The following BPIFC variants were observed in gnomAD, a reference collection of about 807,000 sequenced individuals.
BPIFC encodes the protein BPI fold-containing family C protein.
In BPIFC, 60 loss-of-function variants were observed where a neutral mutation model predicts 57.6. The ratio of observed to expected loss-of-function variants is 1.04; its 90% CI spans 0.85 to 1.29. The LOEUF (loss-of-function observed/expected upper bound fraction) is 1.29, where lower values mean the gene tolerates loss of function less well. Among genes scored for constraint, BPIFC ranks in the 50% most tolerant of loss-of-function variants. The probability of loss-of-function intolerance (pLI) is 0.00; values close to 1 mark genes in which losing one functional copy is unlikely to be tolerated. For missense variants in BPIFC, 581 were observed against 600.5 expected, an observed-to-expected ratio of 0.97 and a Z score of 0.34; for synonymous variants, 243 against 224.5, an observed-to-expected ratio of 1.08 and a Z score of -0.74.
chr22:32,461,747 A>T (rs1461575129), intron 1 of BPIFC, 86 bp from the exon 2 acceptor site: 1 of 541,194 alleles, frequency 1.8e-6, no homozygotes, highest in Non-Finnish European at 2.4e-6. Flanking sequence ...ACCAACTGGT[A>T]TAGGAGCATT....
chr22:32,419,805 A>C (rs1207799192), intron 13 of BPIFC, among the ~76,000 whole-genome samples: 3 of 13,796 alleles, frequency 2.2e-4, no homozygotes, highest in Admixed American at 1.4e-3. Flanking sequence ...GACCCTGTCA[A>C]AAAAAAAAAA....
intron 13 of BPIFC, among the ~76,000 whole-genome samples, chr22:32,429,509 GTTTTTTTTTTTTTT>G (rs780948561): frequency 1.8e-5 from 1 of 56,622 alleles, no homozygotes. Flanking sequence ...ACTGGCCTTT[GTTTTTTTTTTTTTT>G]TTTTTTTTTT....
intron 4 of BPIFC, among the ~76,000 whole-genome samples, chr22:32,450,026 G>A (rs922728452): frequency 2.6e-5 from 4 of 151,538 alleles, no homozygotes; most frequent in Admixed American, 6.6e-5. Flanking sequence ...GAGCCATCAC[G>A]CCCAGCCGTG....
At chr22:32,462,577 T>C (rs1935189693) in intron 1 of BPIFC, among the ~76,000 whole-genome samples, 1 of 152,194 alleles carries the variant, frequency 6.6e-6, no homozygotes, top group African/African-American at 2.4e-5. Flanking sequence ...AACTCACAGT[T>C]CTTTGAAGTG....
intron 8 of BPIFC, among the ~76,000 whole-genome samples, chr22:32,441,474 C>T (rs1188588807): frequency 6.6e-6 from 1 of 152,178 alleles, no homozygotes; most frequent in East Asian, 1.9e-4. Context: ...AGTGCTCAGG[C>T]TATTTCAGGT....
At chr22:32,427,526 T>G (rs1184452987) in intron 13 of BPIFC, among the ~76,000 whole-genome samples, 2 of 152,112 alleles carry the variant, frequency 1.3e-5, no homozygotes, top group African/African-American at 4.8e-5. Context: ...AGCCTTTCCT[T>G]TCCTCCTGGT....
chr22:32,425,793 T>G (rs1934052337), intron 13 of BPIFC, among the ~76,000 whole-genome samples: 1 of 152,096 alleles, frequency 6.6e-6, no homozygotes, highest in Non-Finnish European at 1.5e-5. Flanking sequence ...TTATTCCCGT[T>G]TTATGCTTTA....
intron 13 of BPIFC, among the ~76,000 whole-genome samples, chr22:32,428,370 G>A (rs978277212): frequency 6.6e-6 from 1 of 151,752 alleles, no homozygotes; most frequent in African/African-American, 2.4e-5. Context: ...TTGGGCTCAG[G>A]CAATCCATTC....
chr22:32,414,465 G>T, intron 16 of BPIFC, 40 bp from the exon 17 acceptor site: 1 of 1,607,140 alleles, frequency 6.2e-7, no homozygotes, highest in Non-Finnish European at 8.5e-7. Context: ...TCAAAACTTG[G>T]GCATGTCTGG....
intron 1 of BPIFC, among the ~76,000 whole-genome samples, chr22:32,462,441 T>C (rs5994572): frequency 0.31 from 47,754 of 151,872 alleles, 7,502 homozygotes; most frequent in East Asian, 0.44. Context: ...AAAACCAAAC[T>C]ATCATATATA....
chr22:32,455,489 C>A (rs552931404), intron 3 of BPIFC, among the ~76,000 whole-genome samples: 35 of 152,236 alleles, frequency 2.3e-4, no homozygotes, highest in African/African-American at 7.7e-4. Flanking sequence ...GCTAGGACTC[C>A]ACATACGTTC....
chr22:32,421,148 A>G (rs150234501), intron 13 of BPIFC, among the ~76,000 whole-genome samples: 5 of 152,314 alleles, frequency 3.3e-5, no homozygotes, highest in African/African-American at 1.2e-4. Flanking sequence ...TTGATATTTT[A>G]TGGGAATTTT....
chr22:32,424,741 CTCTTCTTCTTCCTCTTCTTCTTCT>C lies in BPIFC; in HGVS notation c.1218-5361_1218-5338del, dbSNP rs1934001301. Among the ~76,000 whole-genome samples the C allele has an allele frequency of 1.4e-4, 6 of 44,358 alleles. 1 individual carries two copies. The highest frequency in any genetic ancestry group is 5.5e-4 in the African/African-American group (4 of 7,312). The allele number at this position is 44,358 out of a possible 152,430, so 29.1% of individuals were successfully genotyped here. A position where few individuals can be genotyped will look rare whatever the true frequency, so the allele number is the denominator to read the frequency against. On this transcript the variant is annotated intron_variant, in intron 13 of 16. Coordinates refer to ENST00000300399, the MANE Select transcript of BPIFC (RefSeq NM_174932.3). The stretch of plus-strand genomic sequence containing the variant: ...CCTCTTCTTCTTCCTCTTCTTCTTC[CTCTTCTTCTTCCTCTTCTTCTTCT>C]TCTTCTTCTTCTTCTTCTTCTTCCT...
At chr22:32,431,439 A>ATTTATTTATTTTTTTTTTTTTATTTT in intron 12 of BPIFC, 25 bp from the exon 13 acceptor site, 1 of 1,343,078 alleles carries the variant, frequency 7.4e-7, no homozygotes, top group Non-Finnish European at 1.1e-6. Context: ...AGCATTTATT[A>ATTTATTTATTTTTTTTTTTTTATTTT]TTAAGACGAG....
In BPIFC at chr22:32,457,964, C is replaced by T. The variant is rs563879733; in HGVS notation, c.1-578G>A. Among the ~76,000 whole-genome samples the T allele has an allele frequency of 3.5e-4, 53 of 152,282 alleles. 3 individuals are homozygous for T. The South Asian group carries it at 0.01, about 30-fold the overall frequency. On this transcript the variant is annotated intron_variant, in intron 2 of 16. Transcript: ENST00000300399. ...TTCACATAGATTTTTGTGATAGCCTCCTTACTGGTCTCTCTGCTTCGGCCA... is the reference window on the plus strand; with the variant it reads ...TTCACATAGATTTTTGTGATAGCCTTCTTACTGGTCTCTCTGCTTCGGCCA...
At chr22:32,428,864 A>C (rs997311371) in intron 13 of BPIFC, among the ~76,000 whole-genome samples, 2 of 152,076 alleles carry the variant, frequency 1.3e-5, no homozygotes, top group Non-Finnish European at 2.9e-5. Flanking sequence ...GCACCCCTGC[A>C]CTCCAGCCTG....
intron 3 of BPIFC, among the ~76,000 whole-genome samples, chr22:32,453,720 T>C (rs1934961044): frequency 6.6e-6 from 1 of 152,178 alleles, no homozygotes; most frequent in South Asian, 2.1e-4. Flanking sequence ...AGAGCTAACA[T>C]GAGACATTTT....
intron 8 of BPIFC, among the ~76,000 whole-genome samples, chr22:32,440,276 A>G (rs1410655477): frequency 6.6e-6 from 1 of 151,864 alleles, no homozygotes; most frequent in Non-Finnish European, 1.5e-5. Flanking sequence ...CTGGGACTAA[A>G]GGCGCACGCC....
At position 32,432,502 on chromosome 22, in the gene BPIFC, C is replaced by G; in HGVS notation, c.1020G>C (p.Arg340Ser). The G allele has an allele frequency of 6.2e-7, 1 of 1,614,114 alleles. No individual in the cohort carries two copies. Among genetic ancestry groups the G allele is most frequent in the South Asian group, 1.1e-5 (1 of 91,074 alleles). The change falls in exon 12 of 17, where the codon AGG becomes AGC. Residue 340 changes from arginine to serine, a missense_variant. Transcript: ENST00000300399. ...IYILSQPFMV[R>S]IMATEPPIIN... ...TTATGGGAGGCTCTGTGGCCATGAT[C>G]CTCACCATGAAGGGCTGGGACAAGA...
Sources: allele counts gnomAD v4.1 joint callset (sites outside exome capture counted in the v4.1 genomes callset), GRCh38; gene constraint gnomAD v4.1.1; transcripts MANE v1.5; gene names NCBI Gene and HGNC (gene_info 2026-07-23, HGNC 2026-07-21).